Variants in GRM8 observed in about 807,000 individuals in gnomAD.
The protein encoded by GRM8 is metabotropic glutamate receptor 8.
In GRM8, 47 loss-of-function variants were observed where a neutral mutation model predicts 87.2. That is an observed-to-expected ratio of 0.54 (90% CI 0.43 to 0.69). GRM8 has a LOEUF of 0.69. Ranked by LOEUF, GRM8 falls within the 30% of genes least tolerant of loss-of-function variation. The probability of loss-of-function intolerance (pLI) is 0.00; values close to 1 mark genes in which losing one functional copy is unlikely to be tolerated. For synonymous variants in GRM8, 396 were observed against 404.5 expected, an observed-to-expected ratio of 0.98 and a Z score of 0.25; for missense variants, 1,019 against 1,139.2, an observed-to-expected ratio of 0.89 and a Z score of 1.52.
At chr7:126,460,636 C>T (rs2150518088) in intron 9 of GRM8, among the ~76,000 whole-genome samples, 1 of 151,666 alleles carries the variant, frequency 6.6e-6, no homozygotes, top group East Asian at 2.0e-4. Context: ...AAATCCTCAC[C>T]AGCTTTAGCA....
At chr7:127,085,132 G>T (rs530532532) in intron 3 of GRM8, among the ~76,000 whole-genome samples, 294 of 152,314 alleles carry the variant, frequency 1.9e-3, no homozygotes, top group African/African-American at 6.9e-3. Context: ...TCCCTGCAAA[G>T]GACATGAACT....
chr7:126,490,442 A>G (rs747783016), intron 9 of GRM8, among the ~76,000 whole-genome samples: 10 of 152,110 alleles, frequency 6.6e-5, no homozygotes, highest in Non-Finnish European at 1.3e-4. Context: ...TTGGCAATCA[A>G]TAATCACAGC....
At chr7:127,075,125 A>G (rs1674079202) in intron 3 of GRM8, among the ~76,000 whole-genome samples, 1 of 152,218 alleles carries the variant, frequency 6.6e-6, no homozygotes, top group Non-Finnish European at 1.5e-5. Flanking sequence ...TTTCTGTGGT[A>G]AGAAATGCTG....
At chr7:126,929,622 C>T (rs767273740) in intron 3 of GRM8, among the ~76,000 whole-genome samples, 15 of 151,846 alleles carry the variant, frequency 9.9e-5, no homozygotes, top group Non-Finnish European at 2.1e-4. Context: ...TTAGTAGAGA[C>T]GGGGTTTCAC....
intron 3 of GRM8, among the ~76,000 whole-genome samples, chr7:127,075,333 T>C (rs1822143522): frequency 6.6e-6 from 1 of 152,230 alleles, no homozygotes; most frequent in African/African-American, 2.4e-5. Flanking sequence ...TTTCCCACAA[T>C]TACTTAGCTA....
chr7:127,193,818 T>C (rs1795144966), intron 2 of GRM8, among the ~76,000 whole-genome samples: 1 of 152,222 alleles, frequency 6.6e-6, no homozygotes, highest in Non-Finnish European at 1.5e-5. Context: ...AAGAGCTCTT[T>C]CTGCAGTATC....
At chr7:126,662,569 T>C (rs1434507721) in intron 7 of GRM8, among the ~76,000 whole-genome samples, 3 of 152,076 alleles carry the variant, frequency 2.0e-5, no homozygotes, top group African/African-American at 7.2e-5. Flanking sequence ...TCTAAAGAGA[T>C]CAATAGGAAT....
intron 6 of GRM8, chr7:126,870,647 C>T (rs1169219925): frequency 6.6e-6 from 1 of 152,172 alleles, no homozygotes; most frequent in African/African-American, 2.4e-5. Context: ...TCAGAACACA[C>T]ACAAAATTTC....
rs563006281 is a variant in GRM8 at position 127,058,723 on chromosome 7, G to T, written c.727+47773C>A. On this transcript the variant is annotated intron_variant, in intron 3 of 10. Coordinates refer to ENST00000339582, the MANE Select transcript of GRM8 (RefSeq NM_000845.3). ...TATAAGGCTGGAGGGTGTGTTGAAA[G>T]CTGTGAGAGAGGGCCTTTTGCCATC... Among the ~76,000 whole-genome samples the T allele has an allele frequency of 3.4e-4, 52 of 152,318 alleles. 2 individuals are homozygous for T. The South Asian group carries it at 0.011, about 31-fold the overall frequency.
intron 3 of GRM8, among the ~76,000 whole-genome samples, chr7:126,995,958 A>C (rs568871577): frequency 6.0e-4 from 92 of 152,136 alleles, no homozygotes; most frequent in Non-Finnish European, 1.3e-3. Context: ...AAGCAGCAAG[A>C]GAAAAAAAAC....
chr7:127,233,251 A>G (rs537577423), intron 2 of GRM8, among the ~76,000 whole-genome samples: 44 of 152,306 alleles, frequency 2.9e-4, no homozygotes, highest in African/African-American at 1.0e-3. Context: ...ACAGAGCCCA[A>G]CCTATTTCAT....
chr7:127,009,479 T>C (rs1814657164), intron 3 of GRM8, among the ~76,000 whole-genome samples: 3 of 152,160 alleles, frequency 2.0e-5, no homozygotes, highest in Non-Finnish European at 2.9e-5. Flanking sequence ...ATACAGAAAG[T>C]ATAAACCTGA....
intron 3 of GRM8, among the ~76,000 whole-genome samples, chr7:127,062,575 T>C (rs1013529164): frequency 1.3e-5 from 2 of 152,186 alleles, no homozygotes; most frequent in African/African-American, 2.4e-5. Context: ...ATATAAGAAA[T>C]ACTGTAGGAA....
At chr7:126,842,638 G>A (rs772976545) in intron 6 of GRM8, among the ~76,000 whole-genome samples, 7 of 152,132 alleles carry the variant, frequency 4.6e-5, no homozygotes, top group Non-Finnish European at 8.8e-5. Context: ...TGATCACAAA[G>A]CTCCTTTAAT....
intron 8 of GRM8, among the ~76,000 whole-genome samples, chr7:126,584,718 T>A (rs1339769544): frequency 6.6e-6 from 1 of 152,186 alleles, no homozygotes; most frequent in Non-Finnish European, 1.5e-5. Flanking sequence ...AATTAGCATT[T>A]CCCAAATAAC....
chr7:126,561,072 C>A (rs1793638957), intron 8 of GRM8, among the ~76,000 whole-genome samples: 7 of 152,186 alleles, frequency 4.6e-5, no homozygotes, highest in Admixed American at 4.6e-4. Context: ...GCTGTCCACA[C>A]ATTGAAATAT....
chr7:126,608,914 C>A (rs1162554589), intron 8 of GRM8, among the ~76,000 whole-genome samples: 1 of 152,058 alleles, frequency 6.6e-6, no homozygotes, highest in Non-Finnish European at 1.5e-5. Context: ...CAAGCACCCA[C>A]CACCACCCCT....
At chr7:126,806,565 A>G (rs565925649) in intron 6 of GRM8, among the ~76,000 whole-genome samples, 1 of 152,304 alleles carries the variant, frequency 6.6e-6, no homozygotes, top group East Asian at 1.9e-4. Flanking sequence ...CAGAGTGCTG[A>G]TTGGTGCATT....
intron 6 of GRM8, among the ~76,000 whole-genome samples, chr7:126,787,928 T>C (rs1239999159): frequency 6.6e-6 from 1 of 152,162 alleles, no homozygotes; most frequent in Non-Finnish European, 1.5e-5. Context: ...ATCCGTTTCA[T>C]TCTCTTAGAC....
Sources: allele counts gnomAD v4.1 joint callset (sites outside exome capture counted in the v4.1 genomes callset), GRCh38; gene constraint gnomAD v4.1.1; transcripts MANE v1.5; gene names NCBI Gene and HGNC (gene_info 2026-07-23, HGNC 2026-07-21).